Variants in LEMD1 observed in about 807,000 individuals in gnomAD.
The protein encoded by LEMD1 is LEM domain containing 1.
LEMD1 carries 18 observed loss-of-function variants against 17.4 expected under a neutral mutation model. The observed-to-expected ratio is 1.04, with a 90% CI of 0.72 to 1.54. The LOEUF (loss-of-function observed/expected upper bound fraction) is 1.54, where lower values mean the gene tolerates loss of function less well. LEMD1 is among the 40% of genes most tolerant of loss of function. LEMD1 has a pLI of 0.00. For missense variants in LEMD1, 195 were observed against 210.4 expected (o/e 0.93, Z 0.45); for synonymous variants, 88 against 77.8 (o/e 1.13, Z -0.69).
intron 5 of LEMD1, among the ~76,000 whole-genome samples, chr1:205,382,747 A>T (rs1182970666): frequency 6.6e-6 from 1 of 152,156 alleles, no homozygotes; most frequent in Non-Finnish European, 1.5e-5. Context: ...AGTGGATGGG[A>T]AGCCTCAGTA....
chr1:205,406,429 C>G (rs1362692613), intron 4 of LEMD1, among the ~76,000 whole-genome samples: 3 of 152,264 alleles, frequency 2.0e-5, no homozygotes, highest in African/African-American at 7.2e-5. Context: ...CCTCCCCCAG[C>G]CTGGCTGCCG....
chr1:205,394,083 T>C (rs1325614925), intron 4 of LEMD1, among the ~76,000 whole-genome samples: 1 of 151,836 alleles, frequency 6.6e-6, no homozygotes, highest in Non-Finnish European at 1.5e-5. Context: ...TCAAAAACCT[T>C]ATATGAAGCG....
intron 1 of LEMD1, among the ~76,000 whole-genome samples, chr1:205,429,552 G>A (rs1011944966): frequency 6.6e-6 from 1 of 152,110 alleles, no homozygotes; most frequent in African/African-American, 2.4e-5. Context: ...TGTGACTTTT[G>A]CATGGGGGAC....
At chr1:205,430,681 C>A (rs533814921) in intron 1 of LEMD1, among the ~76,000 whole-genome samples, 1 of 152,194 alleles carries the variant, frequency 6.6e-6, no homozygotes, top group Non-Finnish European at 1.5e-5. Context: ...CACACGCACA[C>A]CTCCGCGCCC....
At chr1:205,387,373 C>T (rs1664085696) in intron 4 of LEMD1, 1 of 152,000 alleles carries the variant, frequency 6.6e-6, no homozygotes, top group Non-Finnish European at 1.5e-5. Flanking sequence ...ACTGTGTGAA[C>T]ATATACTAGA....
At chr1:205,427,932 A>T (rs1480538538) in intron 1 of LEMD1, among the ~76,000 whole-genome samples, 2 of 152,202 alleles carry the variant, frequency 1.3e-5, no homozygotes, top group African/African-American at 4.8e-5. Flanking sequence ...GTTCCAGAGC[A>T]TTATAACGGT....
chr1:205,411,488 G>A (rs146384900), intron 4 of LEMD1, among the ~76,000 whole-genome samples: 6,682 of 150,554 alleles, frequency 0.044, 158 homozygotes, highest in South Asian at 0.062. Context: ...CCCGGGAGGC[G>A]GAGCTTGCAG....
chr1:205,407,056 G>A (rs937811451), intron 4 of LEMD1, among the ~76,000 whole-genome samples: 1 of 152,150 alleles, frequency 6.6e-6, no homozygotes, highest in Non-Finnish European at 1.5e-5. Context: ...TTGGGACTGG[G>A]CACGGTGGCT....
rs1445761058 is a variant in LEMD1, at chr1:205,416,227, C to T, written c.270+5G>A. ...TAAGTATTCAGGCATTAGAATGGTA[C>T]ATACTTTTTTGAGTTTCTTGCTTTT... On this transcript the variant is annotated splice_donor_5th_base_variant and intron_variant, in intron 4 of 5. Transcript: ENST00000367153. 27 of 1,521,906 alleles carry T rather than the reference C, an allele frequency of 1.8e-5. No homozygotes were observed. The highest frequency in any genetic ancestry group is 2.4e-5 in the Non-Finnish European group (27 of 1,121,448). 94.3% of individuals were successfully genotyped at this position (1,521,906 alleles called of 1,614,324 possible). A position where few individuals can be genotyped will look rare whatever the true frequency, so the allele number is the denominator to read the frequency against.
intron 1 of LEMD1, among the ~76,000 whole-genome samples, chr1:205,446,130 G>C (rs1666384140): frequency 6.6e-6 from 1 of 152,218 alleles, no homozygotes; most frequent in African/African-American, 2.4e-5. Context: ...ATCCTCCAGG[G>C]AGAAGGGACA....
intron 4 of LEMD1, among the ~76,000 whole-genome samples, chr1:205,393,948 A>C (rs1384814292): frequency 6.6e-6 from 1 of 152,176 alleles, no homozygotes; most frequent in African/African-American, 2.4e-5. Flanking sequence ...AGGTAGAAAC[A>C]ACCCAAATGT....
chr1:205,424,825 C>T (rs1666034495), upstream of LEMD1, among the ~76,000 whole-genome samples: 1 of 152,050 alleles, frequency 6.6e-6, no homozygotes, highest in African/African-American at 2.4e-5. Flanking sequence ...TCTGGGCACA[C>T]GTAGAGGTTT....
chr1:205,396,042 C>T (rs767339246), intron 4 of LEMD1, among the ~76,000 whole-genome samples: 6 of 152,060 alleles, frequency 3.9e-5, no homozygotes, highest in Non-Finnish European at 8.8e-5. Context: ...GGATCTTGCT[C>T]TGTCGCCCAG....
At chr1:205,385,962 G>A (rs145453843) in intron 4 of LEMD1, 3 of 152,784 alleles carry the variant, frequency 2.0e-5, no homozygotes, top group African/African-American at 4.8e-5. Flanking sequence ...GAAGCACAAG[G>A]AAAGTCAAGA....
At chr1:205,421,262 T>C (rs796595067) in intron 1 of LEMD1, among the ~76,000 whole-genome samples, 8 of 152,354 alleles carry the variant, frequency 5.3e-5, no homozygotes, top group African/African-American at 1.7e-4. Context: ...TTTTATCCAC[T>C]TGATCCCTTG....
intron 1 of LEMD1, among the ~76,000 whole-genome samples, chr1:205,438,520 T>G (rs567310242): frequency 3.3e-5 from 5 of 152,198 alleles, no homozygotes; most frequent in African/African-American, 1.2e-4. Flanking sequence ...AGGGCACAGG[T>G]GTCCAGACTG....
intron 4 of LEMD1, among the ~76,000 whole-genome samples, chr1:205,402,612 G>C (rs1416446962): frequency 6.6e-6 from 1 of 152,174 alleles, no homozygotes; most frequent in African/African-American, 2.4e-5. Flanking sequence ...TGAGACAATG[G>C]GGTGTTCTAG....
intron 1 of LEMD1, among the ~76,000 whole-genome samples, chr1:205,449,399 A>G (rs1348920371): frequency 6.6e-6 from 1 of 152,022 alleles, no homozygotes; most frequent in Non-Finnish European, 1.5e-5. Flanking sequence ...GGGGCCCCCA[A>G]GAAGATGGTA....
intron 1 of LEMD1, among the ~76,000 whole-genome samples, chr1:205,433,686 C>A (rs1666162248): frequency 6.6e-6 from 1 of 152,196 alleles, no homozygotes; most frequent in Admixed American, 6.5e-5. Flanking sequence ...TCTTGGCGGA[C>A]TCCTGAAGAT....
Sources: gnomAD v4.1 joint callset for allele counts (sites outside exome capture counted in the v4.1 genomes callset) on GRCh38, gnomAD v4.1.1 for gene constraint, MANE v1.5 for transcripts, NCBI Gene and HGNC (gene_info 2026-07-23, HGNC 2026-07-21) for gene names.